The following TBC1D5 variants were observed in gnomAD, a reference collection of about 807,000 sequenced individuals.
The protein encoded by TBC1D5 is TBC1 domain family, member 5.
Under a neutral mutation model 100.3 loss-of-function variants are expected in TBC1D5, and 75 were observed. The observed-to-expected ratio is 0.75, with a 90% CI of 0.62 to 0.91. TBC1D5 has a LOEUF of 0.91. TBC1D5 is among the 40% of genes least tolerant of loss of function. The pLI is 0.00. For missense variants in TBC1D5, 910 were observed against 942.4 expected (o/e 0.97, Z 0.45); for synonymous variants, 323 against 325.6 (o/e 0.99, Z 0.09).
At chr3:17,479,159 G>A (rs879062692) in intron 3 of TBC1D5, among the ~76,000 whole-genome samples, 1 of 152,104 alleles carries the variant, frequency 6.6e-6, no homozygotes, top group East Asian at 1.9e-4. Context: ...CTAGCTTTTG[G>A]GGTGGCAGAG....
intron 2 of TBC1D5, among the ~76,000 whole-genome samples, chr3:17,621,992 A>G (rs1294618401): frequency 1.3e-5 from 2 of 152,280 alleles, no homozygotes; most frequent in Middle Eastern, 3.4e-3. Context: ...TTCATCCATC[A>G]AATCTGATTG....
intron 2 of TBC1D5, among the ~76,000 whole-genome samples, chr3:17,514,830 C>T (rs2095962508): frequency 6.6e-6 from 1 of 152,104 alleles, no homozygotes; most frequent in Non-Finnish European, 1.5e-5. Flanking sequence ...TGAGCAGATG[C>T]TCAAGATGCA....
At chr3:17,462,005 T>C (rs1437960379) in intron 3 of TBC1D5, among the ~76,000 whole-genome samples, 7 of 152,164 alleles carry the variant, frequency 4.6e-5, no homozygotes, top group African/African-American at 1.4e-4. Flanking sequence ...TTCAACCCAG[T>C]CTTTTTAACA....
chr3:17,664,561 T>C (rs563950513), intron 1 of TBC1D5, among the ~76,000 whole-genome samples: 45 of 152,288 alleles, frequency 3.0e-4, no homozygotes, highest in Non-Finnish European at 6.2e-4. Flanking sequence ...TCTTTTGCAT[T>C]CTGATGGGGA....
chr3:17,258,453 T>C, intron 16 of TBC1D5, 53 bp downstream of exon 16: 4 of 1,536,730 alleles, frequency 2.6e-6, no homozygotes, highest in Non-Finnish European at 3.6e-6. Context: ...TTCCTGATGA[T>C]CTCTGAGACT....
At chr3:17,367,080 C>G (rs1008626443) in intron 13 of TBC1D5, among the ~76,000 whole-genome samples, 1 of 152,092 alleles carries the variant, frequency 6.6e-6, no homozygotes, top group Non-Finnish European at 1.5e-5. Flanking sequence ...GCATATCCCA[C>G]AGATGCCTAT....
intron 1 of TBC1D5, among the ~76,000 whole-genome samples, chr3:17,711,513 C>T (rs375864909): frequency 1.3e-5 from 2 of 152,092 alleles, no homozygotes; most frequent in African/African-American, 4.8e-5. Flanking sequence ...CTTAATCATA[C>T]CCTTTTCCTT....
chr3:17,676,690 C>A (rs1270251935), intron 1 of TBC1D5, among the ~76,000 whole-genome samples: 1 of 152,130 alleles, frequency 6.6e-6, no homozygotes, highest in African/African-American at 2.4e-5. Context: ...GCCCGCATTG[C>A]CAAGACAATC....
At chr3:17,594,690 T>G (rs766926919) in intron 2 of TBC1D5, among the ~76,000 whole-genome samples, 4 of 152,208 alleles carry the variant, frequency 2.6e-5, no homozygotes, top group Non-Finnish European at 5.9e-5. Context: ...GTTAACTATA[T>G]GTAATAGTAT....
intron 5 of TBC1D5, among the ~76,000 whole-genome samples, chr3:17,406,183 A>T (rs1010777959): frequency 1.3e-5 from 2 of 152,082 alleles, no homozygotes; most frequent in African/African-American, 4.8e-5. Flanking sequence ...CCATCAAAAC[A>T]GTTGAAAAGA....
exon 22 of TBC1D5, chr3:17,160,053 T>C (rs2065902630): frequency 6.8e-6 from 1 of 146,364 alleles, no homozygotes; most frequent in Non-Finnish European, 1.5e-5. Context: ...GAAAACTGAC[T>C]GTCTGAAAGA....
At chr3:17,611,610 T>C (rs1422145847) in intron 2 of TBC1D5, among the ~76,000 whole-genome samples, 2 of 152,178 alleles carry the variant, frequency 1.3e-5, no homozygotes, top group Non-Finnish European at 2.9e-5. Flanking sequence ...AAAAGACCCA[T>C]TAGATTTAGC....
intron 8 of TBC1D5, among the ~76,000 whole-genome samples, chr3:17,392,474 T>A (rs182379023): frequency 6.6e-6 from 1 of 152,190 alleles, no homozygotes; most frequent in Admixed American, 6.6e-5. Flanking sequence ...CTTCAACCCA[T>A]CATCTACATT....
At chr3:17,646,493 C>T (rs748455281) in intron 1 of TBC1D5, among the ~76,000 whole-genome samples, 12 of 152,132 alleles carry the variant, frequency 7.9e-5, no homozygotes, top group Non-Finnish European at 1.2e-4. Flanking sequence ...TTTGTCATGG[C>T]AGATTCCTAT....
intron 13 of TBC1D5, among the ~76,000 whole-genome samples, chr3:17,335,631 A>T (rs2087616701): frequency 6.6e-6 from 1 of 152,178 alleles, no homozygotes; most frequent in Non-Finnish European, 1.5e-5. Context: ...ACACAAACTA[A>T]ATAGGCATGG....
intron 1 of TBC1D5, among the ~76,000 whole-genome samples, chr3:17,677,523 T>C (rs908120512): frequency 3.3e-5 from 5 of 152,070 alleles, no homozygotes; most frequent in African/African-American, 1.2e-4. Context: ...TGTGGAGAAA[T>C]AGGAACACTT....
chr3:17,613,567 T>A (rs889318445), intron 2 of TBC1D5, among the ~76,000 whole-genome samples: 1 of 152,234 alleles, frequency 6.6e-6, no homozygotes, highest in Non-Finnish European at 1.5e-5. Context: ...GACTTTTTAA[T>A]GATCGCCATT....
intron 13 of TBC1D5, among the ~76,000 whole-genome samples, chr3:17,365,447 A>T (rs1266436815): frequency 6.6e-6 from 1 of 152,170 alleles, no homozygotes; most frequent in East Asian, 1.9e-4. Flanking sequence ...AAAGTAGCAG[A>T]TCCCCATCCC....
intron 1 of TBC1D5, among the ~76,000 whole-genome samples, chr3:17,697,216 A>G (rs1209717184): frequency 6.6e-6 from 1 of 152,218 alleles, no homozygotes; most frequent in Non-Finnish European, 1.5e-5. Flanking sequence ...GCCCTCTCTC[A>G]CCACTCGTAT....
Sources: gnomAD v4.1 joint callset for allele counts (sites outside exome capture counted in the v4.1 genomes callset) on GRCh38, gnomAD v4.1.1 for gene constraint, MANE v1.5 for transcripts, NCBI Gene and HGNC (gene_info 2026-07-23, HGNC 2026-07-21) for gene names.